SHROOM3: variants seen among roughly 807,000 people sequenced by gnomAD.
SHROOM3 encodes the protein protein Shroom3.
A neutral mutation model predicts 138.6 loss-of-function variants in SHROOM3; 47 were observed. The ratio of observed to expected loss-of-function variants is 0.34; its 90% CI spans 0.27 to 0.43. SHROOM3 has a LOEUF of 0.43. Ranked by LOEUF, SHROOM3 falls within the 20% of genes least tolerant of loss-of-function variation. The pLI, the probability that SHROOM3 is intolerant of heterozygous loss-of-function variation, is 1.00. For synonymous variants in SHROOM3, 1,062 were observed against 1,063.3 expected (o/e 1.00, Z 0.02); for missense variants, 2,491 against 2,596.5 (o/e 0.96, Z 0.88).
At chr4:76,671,537 C>T (rs1280763253) in intron 2 of SHROOM3, among the ~76,000 whole-genome samples, 1 of 152,228 alleles carries the variant, frequency 6.6e-6, no homozygotes, top group Non-Finnish European at 1.5e-5. Context: ...TGCCAGCCCT[C>T]TTCATTCTCT....
chr4:76,462,844 C>T (rs544385502), intron 1 of SHROOM3, among the ~76,000 whole-genome samples: 10 of 152,170 alleles, frequency 6.6e-5, no homozygotes, highest in African/African-American at 2.2e-4. Context: ...TTCCTGAGGC[C>T]GCCCAGCCAT....
intron 10 of SHROOM3, among the ~76,000 whole-genome samples, chr4:76,771,713 G>C (rs1722364171): frequency 6.6e-6 from 1 of 152,192 alleles, no homozygotes. Context: ...GGCACTGTGA[G>C]CTTATGCGCA....
At position 76,779,057 on chromosome 4, in the gene SHROOM3, C is replaced by G. The variant is rs565521154; in HGVS notation, c.5871C>G (p.Pro1957=). 6.2e-7 allele frequency: 1 copy of G among 1,614,210 alleles called. No homozygotes were observed. Among genetic ancestry groups the G allele is most frequent in the East Asian group, 2.2e-5 (1 of 44,882 alleles). The change falls in exon 11 of 11, where the codon CCC becomes CCG. Residue 1957 remains proline, a synonymous_variant. Coordinates refer to ENST00000296043, the MANE Select transcript of SHROOM3 (RefSeq NM_020859.4). ...EQVKCLLESL[P]SDFIPKAGAL... ...TCAAGTGTCTGCTGGAGAGCCTGCC[C>G]TCAGATTTCATTCCCAAGGCTGGGG...
At chr4:76,440,048 T>C (rs1730637772) in intron 1 of SHROOM3, among the ~76,000 whole-genome samples, 1 of 152,240 alleles carries the variant, frequency 6.6e-6, no homozygotes, top group Admixed American at 6.5e-5. Context: ...TTACTCTGTA[T>C]TGTGGCTCAG....
chr4:76,520,084 A>G (rs1329167624), intron 1 of SHROOM3, among the ~76,000 whole-genome samples: 1 of 152,226 alleles, frequency 6.6e-6, no homozygotes, highest in Non-Finnish European at 1.5e-5. Context: ...TGAATACTCC[A>G]GTAATCAGGG....
At chr4:76,586,380 G>A (rs941569178) in intron 2 of SHROOM3, 1 of 985,638 alleles carries the variant, frequency 1.0e-6, no homozygotes, top group Admixed American at 6.1e-5. Flanking sequence ...CCCCCGCGGT[G>A]GGCCAGCCTT....
intron 1 of SHROOM3, among the ~76,000 whole-genome samples, chr4:76,547,728 G>A (rs1042319150): frequency 3.9e-5 from 6 of 152,096 alleles, no homozygotes; most frequent in Admixed American, 6.5e-5. Context: ...TCAGAAGTTC[G>A]AGATCAGCCT....
chr4:76,686,381 A>AT (rs1246817505), intron 2 of SHROOM3, among the ~76,000 whole-genome samples: 1 of 152,164 alleles, frequency 6.6e-6, no homozygotes, highest in Non-Finnish European at 1.5e-5. Flanking sequence ...TAATATATAT[A>AT]AAAAAAGCTA....
chr4:76,547,891 C>G (rs183662959), intron 1 of SHROOM3, among the ~76,000 whole-genome samples: 9 of 151,240 alleles, frequency 6.0e-5, no homozygotes, highest in African/African-American at 1.9e-4. Flanking sequence ...GATTGCATCA[C>G]TGCACTCCAG....
At chr4:76,598,075 G>C (rs1734426532) in intron 2 of SHROOM3, among the ~76,000 whole-genome samples, 1 of 151,476 alleles carries the variant, frequency 6.6e-6, no homozygotes, top group South Asian at 2.1e-4. Context: ...GCCCAGGCTG[G>C]GGTGCAGTGG....
At chr4:76,756,399 C>CTCTT in intron 7 of SHROOM3, 50 bp from the exon 8 acceptor site, 2 of 1,471,030 alleles carry the variant, frequency 1.4e-6, no homozygotes, top group Non-Finnish European at 1.9e-6. Flanking sequence ...TCTTATCACT[C>CTCTT]TCTCTTTCTC....
chr4:76,709,719 C>G lies in SHROOM3; in HGVS notation c.324-437C>G, dbSNP rs1049222983. On this transcript the variant is annotated intron_variant, in intron 2 of 10. Coordinates refer to ENST00000296043, the MANE Select transcript of SHROOM3 (RefSeq NM_020859.4). ...CAAGGCCTGTTACACTTGGAGATCC[C>G]GCTCCTTAAAGAGAACTTGAGAAGT... The G allele has an allele frequency of 1.5e-5, 4 of 260,016 alleles. No homozygotes were observed. The South Asian group carries it at 1.7e-4, about 11-fold the overall frequency. The allele number at this position is 260,016 out of a possible 1,614,324, so 16.1% of individuals were successfully genotyped here.
intron 2 of SHROOM3, among the ~76,000 whole-genome samples, chr4:76,603,419 A>G (rs2110056170): frequency 6.7e-6 from 1 of 150,232 alleles, no homozygotes; most frequent in South Asian, 2.1e-4. Context: ...CTCTGTCTCA[A>G]AACAAAAACA....
At chr4:76,704,031 G>A (rs949348412) in intron 2 of SHROOM3, among the ~76,000 whole-genome samples, 2 of 152,138 alleles carry the variant, frequency 1.3e-5, no homozygotes, top group African/African-American at 4.8e-5. Flanking sequence ...CAAAAGTTAG[G>A]GCTAGATTCT....
At chr4:76,620,592 A>C (rs1734983038) in intron 2 of SHROOM3, among the ~76,000 whole-genome samples, 1 of 152,186 alleles carries the variant, frequency 6.6e-6, no homozygotes, top group Non-Finnish European at 1.5e-5. Flanking sequence ...GAGTGTGTGG[A>C]CACTGAGAAG....
chr4:76,563,127 A>T (rs1313060502), intron 2 of SHROOM3, among the ~76,000 whole-genome samples: 3 of 152,198 alleles, frequency 2.0e-5, no homozygotes, highest in Admixed American at 1.3e-4. Flanking sequence ...TGCTATAAGG[A>T]TGAAATAAGA....
chr4:76,470,869 A>C (rs1404386812), intron 1 of SHROOM3, among the ~76,000 whole-genome samples: 1 of 152,202 alleles, frequency 6.6e-6, no homozygotes, highest in Non-Finnish European at 1.5e-5. Context: ...TGTGTGCCAT[A>C]AATGAGACAA....
chr4:76,479,602 CA>C (rs1246416159), intron 1 of SHROOM3, among the ~76,000 whole-genome samples: 1 of 152,026 alleles, frequency 6.6e-6, no homozygotes, highest in Non-Finnish European at 1.5e-5. Context: ...CAAGACAGGC[CA>C]ACATTCAAAT....
At chr4:76,589,876 G>C (rs897574563) in intron 2 of SHROOM3, among the ~76,000 whole-genome samples, 1 of 152,114 alleles carries the variant, frequency 6.6e-6, no homozygotes, top group Non-Finnish European at 1.5e-5. Context: ...TTCCATCTGA[G>C]GTAGGTCATA....
Sources: allele counts gnomAD v4.1 joint callset (sites outside exome capture counted in the v4.1 genomes callset), GRCh38; gene constraint gnomAD v4.1.1; transcripts MANE v1.5; gene names NCBI Gene and HGNC (gene_info 2026-07-23, HGNC 2026-07-21).